The following MYO18B variants were observed in gnomAD, a reference collection of about 807,000 sequenced individuals.
MYO18B encodes the protein myosin XVIIIB.
A neutral mutation model predicts 273.0 loss-of-function variants in MYO18B; 204 were observed. That is an observed-to-expected ratio of 0.75 (90% CI 0.67 to 0.84). The LOEUF is 0.84. MYO18B is among the 40% of genes least tolerant of loss of function. The pLI is 0.00. For synonymous variants in MYO18B, 1,330 were observed against 1,305.7 expected (o/e 1.02, Z -0.40); for missense variants, 3,212 against 3,287.6 (o/e 0.98, Z 0.56).
chr22:26,000,058 C>T (rs1041047249), intron 40 of MYO18B, among the ~76,000 whole-genome samples: 1 of 152,196 alleles, frequency 6.6e-6, no homozygotes, highest in South Asian at 2.1e-4. Flanking sequence ...TGAATCAGGA[C>T]CATGGACAGG....
chr22:25,998,857 T>C (rs1411479209), intron 40 of MYO18B, among the ~76,000 whole-genome samples: 1 of 152,168 alleles, frequency 6.6e-6, no homozygotes, highest in East Asian at 1.9e-4. Flanking sequence ...TGCAAGGCCT[T>C]AGTACCATAT....
intron 10 of MYO18B, among the ~76,000 whole-genome samples, chr22:25,783,877 C>A (rs2087265527): frequency 6.6e-6 from 1 of 152,224 alleles, no homozygotes; most frequent in South Asian, 2.1e-4. Flanking sequence ...CATTGTCATT[C>A]TGAAGCCTCA....
Position 25,768,497 on chromosome 22 carries a change from A to G in MYO18B, c.581A>G (p.Glu194Gly), listed in dbSNP as rs768195765. 21 of 1,602,856 alleles carry G rather than the reference A, an allele frequency of 1.3e-5. No individual in the cohort carries two copies. In the East Asian group the frequency reaches 4.5e-4, roughly 34 times the overall value. The change falls in exon 4 of 44, where the codon GAG becomes GGG. Residue 194 changes from glutamate (E) to glycine (G), a missense_variant. Physicochemically the swap from Glu to Gly is moderately conservative, Grantham distance 98. Coordinates refer to ENST00000335473, the MANE Select transcript of MYO18B (RefSeq NM_032608.7). ...ATDTGKEKKG[E>G]TSRTPCGSQA... ...GATACTGGAAAGGAAAAGAAAGGGGAGACCTCTAGGACTCCTTGTGGCTCC... is the reference window on the plus strand; with the variant it reads ...GATACTGGAAAGGAAAAGAAAGGGGGGACCTCTAGGACTCCTTGTGGCTCC...
At chr22:25,840,057 A>G (rs1401744138) in intron 17 of MYO18B, among the ~76,000 whole-genome samples, 1 of 151,996 alleles carries the variant, frequency 6.6e-6, no homozygotes, top group Non-Finnish European at 1.5e-5. Context: ...CTACCCCATC[A>G]CAACTCCCTG....
At chr22:25,868,417 C>T in intron 22 of MYO18B, 32 bp downstream of exon 22, 1 of 1,553,708 alleles carries the variant, frequency 6.4e-7, no homozygotes, top group Non-Finnish European at 8.7e-7. Flanking sequence ...CAACATTCGC[C>T]CATCACATCA....
chr22:25,963,073 C>T (rs1457530032), intron 39 of MYO18B, among the ~76,000 whole-genome samples: 1 of 151,778 alleles, frequency 6.6e-6, no homozygotes, highest in East Asian at 1.9e-4. Context: ...CCTTATTCTT[C>T]CTTAGTTCTC....
chr22:25,855,285 C>CTCTT, intron 21 of MYO18B, among the ~76,000 whole-genome samples: 1 of 132,328 alleles, frequency 7.6e-6, no homozygotes, highest in South Asian at 2.4e-4. Context: ...TTATCTCATT[C>CTCTT]TTTTTTTTTT....
chr22:25,901,970 GCC>G (rs937138204), intron 29 of MYO18B, among the ~76,000 whole-genome samples: 150 of 151,972 alleles, frequency 9.9e-4, no homozygotes, highest in African/African-American at 3.5e-3. Context: ...ATGCCACGAT[GCC>G]CAGGTAATTT....
the MYO18B span, among the ~76,000 whole-genome samples, chr22:26,036,626 C>T: frequency 6.6e-6 from 1 of 152,288 alleles, no homozygotes; most frequent in South Asian, 2.1e-4. Context: ...CTTTCCATCT[C>T]CCATCTCCTA....
chr22:26,041,178 T>C, the MYO18B span, among the ~76,000 whole-genome samples: 2 of 151,664 alleles, frequency 1.3e-5, no homozygotes, highest in African/African-American at 4.8e-5. Context: ...AAGCTATCAT[T>C]AGTGTTAGGG....
chr22:25,978,097 G>A (rs915047049), intron 39 of MYO18B, among the ~76,000 whole-genome samples: 5 of 152,196 alleles, frequency 3.3e-5, no homozygotes, highest in African/African-American at 1.2e-4. Flanking sequence ...ATAAGGCCGA[G>A]TACAACCTTA....
rs139856040 is a variant in MYO18B, at chr22:25,784,349, C to T, written c.2313-1079C>T. Reference sequence around the variant, plus strand: ...AACAGAGCACTTACTCCATGCCAGCCTGGCAGTGTGAGTTTATGTATAATA... The same window carrying T: ...AACAGAGCACTTACTCCATGCCAGCTTGGCAGTGTGAGTTTATGTATAATA... On this transcript the variant is annotated intron_variant, in intron 10 of 43. Coordinates refer to ENST00000335473, the MANE Select transcript of MYO18B (RefSeq NM_032608.7). Among the ~76,000 whole-genome samples, 123 of 152,320 alleles carry T rather than the reference C, an allele frequency of 8.1e-4. 1 individual carries two copies. The Middle Eastern group carries it at 0.01, about 13-fold the overall frequency.
chr22:26,041,081 C>G, the MYO18B span, among the ~76,000 whole-genome samples: 1 of 152,164 alleles, frequency 6.6e-6, no homozygotes, highest in Non-Finnish European at 1.5e-5. Flanking sequence ...TCCTGTGACC[C>G]AGGACAGCTC....
At chr22:25,950,543 T>TGTGTGTGTGTGTGTGG (rs2146620446) in intron 37 of MYO18B, 93 bp downstream of exon 37, 1 of 740,720 alleles carries the variant, frequency 1.4e-6, no homozygotes, top group African/African-American at 1.8e-5. Flanking sequence ...TGTGTGTGTG[T>TGTGTGTGTGTGTGTGG]GTGTGTGTAT....
chr22:25,923,614 T>G (rs750504680), intron 34 of MYO18B, among the ~76,000 whole-genome samples: 21 of 152,198 alleles, frequency 1.4e-4, no homozygotes, highest in Non-Finnish European at 2.6e-4. Flanking sequence ...TGACTCACAT[T>G]GCGTCTTCCT....
chr22:26,053,983 A>T, the MYO18B span, among the ~76,000 whole-genome samples: 516 of 152,278 alleles, frequency 3.4e-3, 7 homozygotes, highest in African/African-American at 0.012. Flanking sequence ...CAATGGAAAC[A>T]CTGATGAAAA....
intron 42 of MYO18B, among the ~76,000 whole-genome samples, chr22:26,015,405 G>A (rs1362813556): frequency 6.6e-6 from 1 of 152,142 alleles, no homozygotes; most frequent in Non-Finnish European, 1.5e-5. Context: ...CAACTTAAAT[G>A]CCCATCAATG....
intron 21 of MYO18B, among the ~76,000 whole-genome samples, chr22:25,859,282 A>G (rs1287999173): frequency 6.6e-6 from 1 of 152,142 alleles, no homozygotes; most frequent in Non-Finnish European, 1.5e-5. Flanking sequence ...CTACATTTGG[A>G]TAGTTTTTGA....
intron 13 of MYO18B, among the ~76,000 whole-genome samples, chr22:25,826,179 G>C (rs966210155): frequency 6.6e-6 from 1 of 152,238 alleles, no homozygotes; most frequent in Non-Finnish European, 1.5e-5. Flanking sequence ...CCTGAGTGAT[G>C]AGCAGATCAC....
Sources: allele counts gnomAD v4.1 joint callset (sites outside exome capture counted in the v4.1 genomes callset), GRCh38; gene constraint gnomAD v4.1.1; transcripts MANE v1.5; gene names NCBI Gene and HGNC (gene_info 2026-07-23, HGNC 2026-07-21).